The following CALN1 variants were observed in gnomAD, a reference collection of about 807,000 sequenced individuals.
The protein encoded by CALN1 is calcium-binding protein 8.
CALN1 carries 17 observed loss-of-function variants against 30.6 expected under a neutral mutation model. The observed-to-expected ratio is 0.56, with a 90% confidence interval of 0.38 to 0.83. CALN1 has a LOEUF of 0.83. Ranked by LOEUF, CALN1 falls within the 40% of genes least tolerant of loss-of-function variation. The probability of loss-of-function intolerance (pLI) is 0.00; values close to 1 mark genes in which losing one functional copy is unlikely to be tolerated. For synonymous variants in CALN1, 156 were observed against 131.4 expected, an observed-to-expected ratio of 1.19 and a Z score of -1.28; for missense variants, 291 against 354.9, an observed-to-expected ratio of 0.82 and a Z score of 1.45.
intron 1 of CALN1, among the ~76,000 whole-genome samples, chr7:72,406,615 C>T (rs4991311): frequency 0.3 from 30,554 of 102,144 alleles, 3,489 homozygotes; most frequent in Non-Finnish European, 0.3. Flanking sequence ...TCCTTGTCAG[C>T]TTTTTTTTTT....
intron 3 of CALN1, among the ~76,000 whole-genome samples, chr7:72,176,153 C>T (rs115791126): frequency 0.012 from 1,898 of 152,288 alleles, 45 homozygotes; most frequent in African/African-American, 0.043. Flanking sequence ...CTTGGCCAGA[C>T]GCTCCTCTCA....
In CALN1 at chr7:71,787,493, T is replaced by C; in HGVS notation, c.*282A>G. On this transcript the variant is annotated 3_prime_UTR_variant, in exon 7 of 7. Coordinates refer to ENST00000395275, the MANE Select transcript of CALN1 (RefSeq NM_031468.4). ...AAGATGAAGTTTTTCTCTAGAGTTA[T>C]GACTGATGGTTGAAGCAATAATTTG... 2.8e-6 allele frequency: 1 copy of C among 352,840 alleles called. No homozygotes were observed. Among genetic ancestry groups the C allele is most frequent in the Admixed American group, 3.8e-5 (1 of 26,132 alleles). The allele number at this position is 352,840 out of a possible 1,614,324, so 21.9% of individuals were successfully genotyped here.
intron 3 of CALN1, among the ~76,000 whole-genome samples, chr7:72,193,336 G>C (rs1408145816): frequency 6.6e-6 from 1 of 152,148 alleles, no homozygotes; most frequent in Non-Finnish European, 1.5e-5. Flanking sequence ...CTGTACTCCA[G>C]CCTGGGCAAC....
chr7:72,370,176 C>T (rs922880054), intron 2 of CALN1, among the ~76,000 whole-genome samples: 3 of 152,144 alleles, frequency 2.0e-5, no homozygotes, highest in Non-Finnish European at 4.4e-5. Context: ...TATGTAATGA[C>T]ATCTCATTGT....
At position 71,905,000 on chromosome 7, in the gene CALN1, G is replaced by A. The variant is rs554332638; in HGVS notation, c.502-94508C>T. On this transcript the variant is annotated intron_variant, in intron 5 of 6. Coordinates refer to ENST00000395275, the MANE Select transcript of CALN1 (RefSeq NM_031468.4). Reference sequence around the variant, plus strand: ...TTCTCCCAGGCTGGAGTGCAGTGGCGTGATCTCAGCTCACTGCAACCTCTG... The same window carrying A: ...TTCTCCCAGGCTGGAGTGCAGTGGCATGATCTCAGCTCACTGCAACCTCTG... Among the ~76,000 whole-genome samples the A allele has an allele frequency of 4.1e-4, 63 of 152,130 alleles. No individual in the cohort carries two copies. The East Asian group carries it at 0.012, about 28-fold the overall frequency.
chr7:71,927,492 G>T (rs1241434627), intron 5 of CALN1, among the ~76,000 whole-genome samples: 1 of 152,310 alleles, frequency 6.6e-6, no homozygotes. Flanking sequence ...TTACAAGCAT[G>T]AGCCACTGTG....
intron 5 of CALN1, among the ~76,000 whole-genome samples, chr7:71,962,227 TA>T (rs11355636): frequency 0.37 from 50,712 of 137,270 alleles, 9,127 homozygotes; most frequent in African/African-American, 0.48. Context: ...ACCCCATCTC[TA>T]AAAAAAAAAA....
chr7:72,058,322 T>TTTTTTTC (rs1803412516), intron 4 of CALN1, among the ~76,000 whole-genome samples: 1 of 137,150 alleles, frequency 7.3e-6, no homozygotes, highest in Non-Finnish European at 1.6e-5. Context: ...TTTTTTTTTT[T>TTTTTTTC]TTTTTTTTTT....
intron 2 of CALN1, among the ~76,000 whole-genome samples, chr7:72,387,461 G>A (rs1383964244): frequency 6.6e-6 from 1 of 152,120 alleles, no homozygotes; most frequent in Non-Finnish European, 1.5e-5. Flanking sequence ...TAACTTCACG[G>A]TAGAGAAACC....
At chr7:72,106,083 T>C in intron 4 of CALN1, 68 bp downstream of exon 4, 2 of 1,565,132 alleles carry the variant, frequency 1.3e-6, no homozygotes, top group East Asian at 2.3e-5. Flanking sequence ...AGGCCCTGCA[T>C]AAACCGAAGG....
intron 1 of CALN1, among the ~76,000 whole-genome samples, chr7:72,440,326 T>A (rs184405483): frequency 6.6e-6 from 1 of 152,244 alleles, no homozygotes; most frequent in Admixed American, 6.5e-5. Context: ...TTTTAAGAAA[T>A]CCCCATTTTC....
intron 2 of CALN1, among the ~76,000 whole-genome samples, chr7:72,295,468 C>A (rs1798787657): frequency 6.6e-6 from 1 of 151,758 alleles, no homozygotes; most frequent in African/African-American, 2.4e-5. Flanking sequence ...TGGCCATTTT[C>A]ACGATATTGA....
intron 3 of CALN1, among the ~76,000 whole-genome samples, chr7:72,210,165 T>C (rs1323308370): frequency 6.6e-6 from 1 of 151,982 alleles, no homozygotes; most frequent in Non-Finnish European, 1.5e-5. Context: ...CTTCCAGCCA[T>C]CCACCTCCTG....
chr7:72,037,412 A>C (rs1801867706), intron 4 of CALN1, among the ~76,000 whole-genome samples: 1 of 152,186 alleles, frequency 6.6e-6, no homozygotes, highest in Non-Finnish European at 1.5e-5. Flanking sequence ...GGCCTCCCAA[A>C]GTGCTGGGAT....
chr7:72,115,725 A>G (rs1196112169), intron 3 of CALN1, among the ~76,000 whole-genome samples: 1 of 151,766 alleles, frequency 6.6e-6, no homozygotes, highest in Non-Finnish European at 1.5e-5. Context: ...TGGCCTTGTG[A>G]TCTGCCCGCC....
chr7:72,391,969 G>A (rs531678430), intron 2 of CALN1, among the ~76,000 whole-genome samples: 2 of 152,294 alleles, frequency 1.3e-5, no homozygotes, highest in African/African-American at 4.8e-5. Flanking sequence ...AAGAGGATTT[G>A]CACTGCTTTG....
At chr7:71,819,810 T>TTG (rs1338529984) in intron 5 of CALN1, among the ~76,000 whole-genome samples, 1 of 152,182 alleles carries the variant, frequency 6.6e-6, no homozygotes, top group Non-Finnish European at 1.5e-5. Flanking sequence ...TTCATCCATG[T>TTG]TGTGTCATGT....
chr7:72,366,167 TTTTTA>T (rs1023798772), intron 2 of CALN1, among the ~76,000 whole-genome samples: 19 of 152,030 alleles, frequency 1.2e-4, no homozygotes, highest in African/African-American at 3.6e-4. Context: ...TATTTTTAAT[TTTTTA>T]TTTTATTTTA....
At chr7:72,011,176 G>C (rs1040124463) in intron 5 of CALN1, among the ~76,000 whole-genome samples, 25 of 150,894 alleles carry the variant, frequency 1.7e-4, no homozygotes, top group African/African-American at 5.9e-4. Context: ...AAACAAAAAA[G>C]AAAGAAGGAA....
Sources: gnomAD v4.1 joint callset for allele counts (sites outside exome capture counted in the v4.1 genomes callset) on GRCh38, gnomAD v4.1.1 for gene constraint, MANE v1.5 for transcripts, NCBI Gene and HGNC (gene_info 2026-07-23, HGNC 2026-07-21) for gene names.